Variants in SMARCE1 observed in about 807,000 individuals in gnomAD.
SMARCE1 encodes the protein SWI/SNF-related matrix-associated actin-dependent regulator of chromatin subfamily E member 1.
Under a neutral mutation model 54.9 loss-of-function variants are expected in SMARCE1, and 13 were observed. The ratio of observed to expected loss-of-function variants is 0.24; its 90% CI spans 0.15 to 0.38. The LOEUF is 0.38. Ranked by LOEUF, SMARCE1 falls within the 10% of genes least tolerant of loss-of-function variation. The pLI is 1.00. For missense variants in SMARCE1, 295 were observed against 523.8 expected, an observed-to-expected ratio of 0.56 and a Z score of 4.26; for synonymous variants, 151 against 175.3, an observed-to-expected ratio of 0.86 and a Z score of 1.10.
intron 8 of SMARCE1, 27 bp downstream of exon 8, chr17:40,632,168 A>T (rs1407476364): frequency 1.3e-6 from 2 of 1,576,774 alleles, no homozygotes; most frequent in African/African-American, 2.7e-5. Context: ...GGCACATCTT[A>T]TTGAAATGAA....
chr17:40,629,472 C>G, intron 10 of SMARCE1: 1 of 1,102,422 alleles, frequency 9.1e-7, no homozygotes, highest in Non-Finnish European at 1.2e-6. Context: ...GAGAGTTAGT[C>G]TGTAGTGCTA....
intron 4 of SMARCE1, chr17:40,637,786 C>A: frequency 1.9e-6 from 1 of 536,990 alleles, no homozygotes; most frequent in Non-Finnish European, 3.4e-6. Flanking sequence ...AGTTTATTGC[C>A]AATGCTTTGA....
At chr17:40,638,958 T>C (rs1464600354) in intron 4 of SMARCE1, among the ~76,000 whole-genome samples, 2 of 152,144 alleles carry the variant, frequency 1.3e-5, no homozygotes, top group African/African-American at 4.8e-5. Context: ...CAAGAAATGT[T>C]TCCTCTTCCT....
chr17:40,630,088 A>C, intron 10 of SMARCE1: 1 of 641,218 alleles, frequency 1.6e-6, no homozygotes, highest in Non-Finnish European at 2.8e-6. Context: ...TACACAGTGT[A>C]CTAGGCAGTG....
chr17:40,640,746 G>T (rs1269841873), intron 4 of SMARCE1: 1 of 152,162 alleles, frequency 6.6e-6, no homozygotes, highest in Admixed American at 6.5e-5. Flanking sequence ...ATAATACAAA[G>T]TAAATGTCCA....
At chr17:40,640,363 C>A (rs560089033) in intron 4 of SMARCE1, among the ~76,000 whole-genome samples, 1 of 152,140 alleles carries the variant, frequency 6.6e-6, no homozygotes, top group Non-Finnish European at 1.5e-5. Flanking sequence ...CAAAAGGTCT[C>A]GACATGCTAT....
At chr17:40,634,048 A>G (rs2037122508) in intron 7 of SMARCE1, 1 of 152,174 alleles carries the variant, frequency 6.6e-6, no homozygotes, top group Admixed American at 6.5e-5. Context: ...ATCTAATTGA[A>G]CAGCTATTTA....
At chr17:40,636,241 A>G in intron 6 of SMARCE1, 139 bp from the exon 7 acceptor site, 1 of 1,165,724 alleles carries the variant, frequency 8.6e-7, no homozygotes. Flanking sequence ...CAGGCAAGAA[A>G]TCTGAGGCCT....
intron 7 of SMARCE1, 197 bp from the exon 8 acceptor site, chr17:40,632,564 A>T (rs2037105811): frequency 1.9e-6 from 1 of 533,580 alleles, no homozygotes; most frequent in African/African-American, 1.9e-5. Context: ...TGGCCAAGGT[A>T]GTAATTTATC....
intron 4 of SMARCE1, chr17:40,640,890 T>C (rs1327736318): frequency 1.3e-5 from 2 of 152,196 alleles, no homozygotes; most frequent in Non-Finnish European, 2.9e-5. Context: ...GATGAGTGAC[T>C]TCAGATAGGG....
intron 6 of SMARCE1, 22 bp from the exon 7 acceptor site, chr17:40,636,124 G>C (rs761715044): frequency 1.3e-6 from 2 of 1,573,210 alleles, no homozygotes; most frequent in Admixed American, 3.8e-5. Context: ...ATGTTTTTTG[G>C]TTTTATAATT....
chr17:40,631,329 A>G, intron 9 of SMARCE1: 1 of 370,072 alleles, frequency 2.7e-6, no homozygotes, highest in South Asian at 5.5e-5. Context: ...TAATGACTGT[A>G]TGGGAGTTTA....
rs1240527183 is a variant in SMARCE1, at chr17:40,627,149, T to C, written c.*1636A>G. ...ATGGCTGAAGTTCTTAGCCAAATAATGGCCAAAGCTCAAAACAGATCTATT... is the reference window on the plus strand; with the variant it reads ...ATGGCTGAAGTTCTTAGCCAAATAACGGCCAAAGCTCAAAACAGATCTATT... On this transcript the variant is annotated 3_prime_UTR_variant, in exon 11 of 11. Transcript: ENST00000348513. 2.6e-5 allele frequency: 4 copies of C among 152,332 alleles called. No homozygotes were observed. The highest frequency in any genetic ancestry group is 7.2e-5 in the African/African-American group (3 of 41,580). The allele number at this position is 152,332 out of a possible 1,614,324, so 9.4% of individuals were successfully genotyped here. A position where few individuals can be genotyped will look rare whatever the true frequency, so the allele number is the denominator to read the frequency against.
In SMARCE1 at chr17:40,631,614, G is replaced by T; in HGVS notation, c.794C>A (p.Ser265Ter). ...TACCCTTTTAAGTTCATTGTTAAAT[G>T]AATCTGTGCTTTCCAGGAATTTCCT... is the stretch of plus-strand genomic sequence containing the variant. The part of the protein sequence containing the change: ...KKRKFLESTD[S>*]FNNELKRLCG... The change falls in exon 9 of 11, where the codon TCA becomes TAA. Residue 265 changes from serine (S) to a stop codon, truncating the protein, a stop_gained. Coordinates refer to ENST00000348513, the MANE Select transcript of SMARCE1 (RefSeq NM_003079.5). LOFTEE classifies it high-confidence loss of function. The T allele has an allele frequency of 6.3e-7, 1 of 1,587,424 alleles. No individual in the cohort carries two copies. Among genetic ancestry groups the T allele is most frequent in the Non-Finnish European group, 8.6e-7 (1 of 1,156,352 alleles).
In SMARCE1 at chr17:40,625,081, C is replaced by G. The variant is rs564569663; in HGVS notation, c.*3704G>C. ...TCATTTCACACTTAGAAAGCTGCCA[C>G]GAAGAGCTTATTCTTGGAGTATAAA... On this transcript the variant is annotated 3_prime_UTR_variant, in exon 11 of 11. Coordinates refer to ENST00000348513, the MANE Select transcript of SMARCE1 (RefSeq NM_003079.5). 6.6e-6 allele frequency: 1 copy of G among 152,148 alleles called. No homozygotes were observed. The highest frequency in any genetic ancestry group is 2.4e-5 in the African/African-American group (1 of 41,406). 9.4% of individuals were successfully genotyped at this position (152,148 alleles called of 1,614,324 possible). A position where few individuals can be genotyped will look rare whatever the true frequency, so the allele number is the denominator to read the frequency against.
intron 10 of SMARCE1, 100 bp from the exon 11 acceptor site, chr17:40,629,093 C>A: frequency 1.1e-6 from 1 of 936,366 alleles, no homozygotes; most frequent in South Asian, 1.5e-5. Flanking sequence ...AGCCACTAGC[C>A]ACATGTGGTT....
rs773810706 is a variant in SMARCE1 at position 40,632,279 on chromosome 17, A to T, written c.630T>A (p.Ser210Arg). 1 of 1,613,920 alleles carries T rather than the reference A, an allele frequency of 6.2e-7. No individual in the cohort carries two copies. The highest frequency in any genetic ancestry group is 8.5e-7 in the Non-Finnish European group (1 of 1,179,868). Residue 210 changes from serine to arginine, a missense_variant, in exon 8 of 11, where the codon AGT becomes AGA. Transcript: ENST00000348513. ...CAACTGACCGAACGTCTGGCACCAC[A>T]CTCTCACTAAGAATTTCACTGATGA... ...HRLISEILSE[S>R]VVPDVRSVVT...
chr17:40,636,586 A>G (rs575191800), intron 5 of SMARCE1, 60 bp from the exon 6 acceptor site: 54 of 1,359,890 alleles, frequency 4.0e-5, no homozygotes, highest in Middle Eastern at 1.9e-4. Flanking sequence ...ACCTTTAAAA[A>G]TAGTTTTTAA....
intron 9 of SMARCE1, chr17:40,631,213 AT>A (rs1464448665): frequency 2.9e-6 from 1 of 344,462 alleles, no homozygotes; most frequent in African/African-American, 2.1e-5. Flanking sequence ...TCCGTTTTAC[AT>A]TTTGGGCTAC....
Sources: gnomAD v4.1 joint callset for allele counts (sites outside exome capture counted in the v4.1 genomes callset) on GRCh38, gnomAD v4.1.1 for gene constraint, MANE v1.5 for transcripts, NCBI Gene and HGNC (gene_info 2026-07-23, HGNC 2026-07-21) for gene names.